Variants in PRMT8 observed in about 807,000 individuals in gnomAD.
The protein encoded by PRMT8 is protein arginine methyltransferase 8.
PRMT8 carries 7 observed loss-of-function variants against 47.1 expected under a neutral mutation model. The observed-to-expected ratio is 0.15, with a 90% confidence interval of 0.08 to 0.28. PRMT8 has a LOEUF of 0.28. PRMT8 is among the 10% of genes least tolerant of loss of function. PRMT8 has a pLI of 1.00. For synonymous variants in PRMT8, 188 were observed against 186.5 expected, an observed-to-expected ratio of 1.01 and a Z score of -0.07; for missense variants, 237 against 505.4, an observed-to-expected ratio of 0.47 and a Z score of 5.09.
At chr12:3,455,545 T>G (rs1591554839) in intron 1 of PRMT8, among the ~76,000 whole-genome samples, 1 of 152,134 alleles carries the variant, frequency 6.6e-6, no homozygotes, top group African/African-American at 2.4e-5. Flanking sequence ...CACTGCCCTG[T>G]GATGCAAGCT....
intron 1 of PRMT8, among the ~76,000 whole-genome samples, chr12:3,413,640 A>G (rs928989939): frequency 1.3e-5 from 2 of 152,166 alleles, no homozygotes; most frequent in Non-Finnish European, 2.9e-5. Context: ...ACAATGTTAC[A>G]ATGGCTAAAT....
intron 1 of PRMT8, among the ~76,000 whole-genome samples, chr12:3,392,661 G>A (rs374525328): frequency 3.6e-4 from 54 of 151,924 alleles, no homozygotes; most frequent in South Asian, 6.3e-4. Context: ...GAATAATGCC[G>A]CAATAAACAT....
rs375644597 is a variant in PRMT8 at position 3,527,338 on chromosome 12, G to A, written c.76-13268G>A. 7.6e-4 allele frequency among the ~76,000 whole-genome samples: 116 copies of A among 152,018 alleles called. 2 individuals are homozygous for A. The South Asian group carries it at 0.022, about 28-fold the overall frequency. On this transcript the variant is annotated intron_variant, in intron 1 of 9. Transcript: ENST00000382622. ...TTAAGCTACTAAGTGACTAATGGGCGGGCAGCATATACAGCATGAATATGC... is the reference window on the plus strand; with the variant it reads ...TTAAGCTACTAAGTGACTAATGGGCAGGCAGCATATACAGCATGAATATGC...
At chr12:3,387,675 T>C (rs1350186857) in intron 1 of PRMT8, among the ~76,000 whole-genome samples, 2 of 152,210 alleles carry the variant, frequency 1.3e-5, no homozygotes, top group Admixed American at 1.3e-4. Flanking sequence ...TTATCCTTTC[T>C]CCCCAATCTT....
At chr12:3,489,583 T>C (rs556498464), upstream of PRMT8, among the ~76,000 whole-genome samples, 38 of 152,242 alleles carry the variant, frequency 2.5e-4, no homozygotes, top group South Asian at 2.9e-3. Flanking sequence ...TCTCAGAATC[T>C]TTTGTCTCTG....
intron 1 of PRMT8, among the ~76,000 whole-genome samples, chr12:3,473,216 C>T (rs1865177306): frequency 1.3e-5 from 2 of 152,148 alleles, no homozygotes; most frequent in Admixed American, 1.3e-4. Context: ...ACTTTCACAG[C>T]TCCCCTCTCC....
At position 3,583,113 on chromosome 12, in the gene PRMT8, G is replaced by A; in HGVS notation, c.884G>A (p.Cys295Tyr). ...TEELSFTSAF[C>Y]LQIQRNDYVH... ...GAGCTATCGTTCACATCTGCATTCT[G>A]CCTGCAGATACAGCGCAACGACTAC... The change falls in exon 8 of 10, where the codon TGC becomes TAC. Residue 295 changes from cysteine to tyrosine, a missense_variant. By Grantham distance (194) the Cys-to-Tyr change is radical. This residue lies in a region of PRMT8 where 151 missense variants were observed against 341.1 expected (regional missense o/e 0.44). Coordinates refer to ENST00000382622, the MANE Select transcript of PRMT8 (RefSeq NM_019854.5). This position sits in a 1 kb window ranked among gnomAD's most constrained non-coding sequence, Gnocchi z 4.7. 2 of 1,614,122 alleles carry A rather than the reference G, an allele frequency of 1.2e-6. No homozygotes were observed. Among genetic ancestry groups the A allele is most frequent in the Non-Finnish European group, 1.7e-6 (2 of 1,180,018 alleles).
At chr12:3,585,196 C>T (rs751305133) in intron 8 of PRMT8, among the ~76,000 whole-genome samples, 9 of 152,064 alleles carry the variant, frequency 5.9e-5, no homozygotes, top group Middle Eastern at 3.4e-3. Flanking sequence ...AGAATGTGTT[C>T]CTATTGAGTC....
At position 3,409,536 on chromosome 12, in the gene PRMT8, T is replaced by G. The variant is rs553187299; in HGVS notation, c.48+28094T>G. ...ATGGAGCAGCACAGCAATGACTCTATTCATCGAGGAGGTGGGGTGCTTCAG... is the reference window on the plus strand; with the variant it reads ...ATGGAGCAGCACAGCAATGACTCTAGTCATCGAGGAGGTGGGGTGCTTCAG... On this transcript the variant is annotated intron_variant, in intron 1 of 9. Coordinates refer to the PRMT8 transcript ENST00000452611. This position sits in a 1 kb window ranked among gnomAD's most constrained non-coding sequence, Gnocchi z 4.4. Among the ~76,000 whole-genome samples, 1 of 151,826 alleles carries G rather than the reference T, an allele frequency of 6.6e-6. No individual in the cohort carries two copies. Among genetic ancestry groups the G allele is most frequent in the East Asian group, 1.9e-4 (1 of 5,164 alleles).
Position 3,585,704 on chromosome 12 carries a change from G to A in PRMT8, c.979+2496G>A, listed in dbSNP as rs78654439. Among the ~76,000 whole-genome samples, 1,024 of 152,142 alleles carry A rather than the reference G, an allele frequency of 6.7e-3. 11 individuals carry two copies. The highest frequency in any genetic ancestry group is 0.023 in the African/African-American group (975 of 41,516). Reference sequence around the variant, plus strand: ...ACTAAGATTGGGACTTTTGGTCTCCGTCAGCCAGGCAGTGCTGGTGCTTTC... The same window carrying A: ...ACTAAGATTGGGACTTTTGGTCTCCATCAGCCAGGCAGTGCTGGTGCTTTC... On this transcript the variant is annotated intron_variant, in intron 8 of 9. Coordinates refer to ENST00000382622, the MANE Select transcript of PRMT8 (RefSeq NM_019854.5).
Position 3,546,519 on chromosome 12 carries a change from C to T in PRMT8, c.262-3417C>T, listed in dbSNP as rs142949743. Among the ~76,000 whole-genome samples, 569 of 152,226 alleles carry T rather than the reference C, an allele frequency of 3.7e-3. 2 individuals carry two copies. The highest frequency in any genetic ancestry group is 5.6e-3 in the Non-Finnish European group (382 of 68,010). Reference sequence around the variant, plus strand: ...GGACCTCCTGACGATCACACAGATACTCAACAGGCAATGGGAGAATATTAT... The same window carrying T: ...GGACCTCCTGACGATCACACAGATATTCAACAGGCAATGGGAGAATATTAT... On this transcript the variant is annotated intron_variant, in intron 2 of 9. Transcript: ENST00000382622.
At chr12:3,404,713 C>A (rs750159553) in intron 1 of PRMT8, among the ~76,000 whole-genome samples, 1 of 152,110 alleles carries the variant, frequency 6.6e-6, no homozygotes, top group African/African-American at 2.4e-5. Flanking sequence ...TTTATTGGGT[C>A]CATTATCAGT....
chr12:3,429,997 A>G (rs1864656861), intron 1 of PRMT8, among the ~76,000 whole-genome samples: 1 of 152,224 alleles, frequency 6.6e-6, no homozygotes, highest in Admixed American at 6.5e-5. Context: ...GCCACAGACA[A>G]GAACCCCTCA....
intron 1 of PRMT8, among the ~76,000 whole-genome samples, chr12:3,385,949 A>G (rs941853160): frequency 6.6e-6 from 1 of 152,132 alleles, no homozygotes. Flanking sequence ...CCACTCAGCC[A>G]TTCTTTTGTT....
rs1166337607 is a variant in PRMT8, at chr12:3,387,681, A to G, written c.48+6239A>G. On this transcript the variant is annotated intron_variant, in intron 1 of 9. Coordinates refer to the PRMT8 transcript ENST00000452611. Reference sequence around the variant, plus strand: ...TTACATGCATTATCCTTTCTCCCCAATCTTTATTTTGAAAACATTAAAACC... The same window carrying G: ...TTACATGCATTATCCTTTCTCCCCAGTCTTTATTTTGAAAACATTAAAACC... Among the ~76,000 whole-genome samples, 6 of 152,294 alleles carry G rather than the reference A, an allele frequency of 3.9e-5. No homozygotes were observed. In the East Asian group the frequency reaches 1.2e-3, roughly 29 times the overall value.
chr12:3,577,257 AG>A (rs1255307599), intron 7 of PRMT8, among the ~76,000 whole-genome samples: 1 of 152,194 alleles, frequency 6.6e-6, no homozygotes, highest in Non-Finnish European at 1.5e-5. Context: ...TGCAGGGAAG[AG>A]AGGGGCATTG....
Position 3,491,247 on chromosome 12 carries a change from G to A in PRMT8, c.-379G>A. Reference sequence around the variant, plus strand: ...CAGAAGTTGAGAGGAGTTGGCGGCTGCCTCCGGCCGGCCGGACTTTGCGAG... The same window carrying A: ...CAGAAGTTGAGAGGAGTTGGCGGCTACCTCCGGCCGGCCGGACTTTGCGAG... On this transcript the variant is annotated 5_prime_UTR_variant, in exon 1 of 10. Coordinates refer to ENST00000382622, the MANE Select transcript of PRMT8 (RefSeq NM_019854.5). 2 of 1,022,046 alleles carry A rather than the reference G, an allele frequency of 2.0e-6. No individual in the cohort carries two copies. Among genetic ancestry groups the A allele is most frequent in the Non-Finnish European group, 2.3e-6 (2 of 853,850 alleles). The allele number at this position is 1,022,046 out of a possible 1,614,324, so 63.3% of individuals were successfully genotyped here.
chr12:3,483,023 C>T (rs1865289582), intron 1 of PRMT8, among the ~76,000 whole-genome samples: 3 of 152,166 alleles, frequency 2.0e-5, no homozygotes, highest in Non-Finnish European at 4.4e-5. Flanking sequence ...GGTTTTTAGG[C>T]AGGGTTCAGA....
intron 6 of PRMT8, among the ~76,000 whole-genome samples, chr12:3,574,918 A>G (rs1476234073): frequency 6.6e-6 from 1 of 152,230 alleles, no homozygotes; most frequent in African/African-American, 2.4e-5. Context: ...TGAGAAAGAC[A>G]CAGAAGGCAA....
Sources: allele counts gnomAD v4.1 joint callset (sites outside exome capture counted in the v4.1 genomes callset), GRCh38; gene constraint gnomAD v4.1.1; regional missense constraint gnomAD v4.1.1; non-coding constraint Gnocchi (gnomAD v3.1); transcripts MANE v1.5; gene names NCBI Gene and HGNC (gene_info 2026-07-23, HGNC 2026-07-21).